Variants in DEAF1 observed in about 807,000 individuals in gnomAD.
The protein encoded by DEAF1 is deformed epidermal autoregulatory factor 1 homolog.
Under a neutral mutation model 58.9 loss-of-function variants are expected in DEAF1, and 53 were observed. The ratio of observed to expected loss-of-function variants is 0.90; its 90% CI spans 0.72 to 1.13. The LOEUF (loss-of-function observed/expected upper bound fraction) is 1.13, where lower values mean the gene tolerates loss of function less well. DEAF1 is among the 50% of genes most tolerant of loss of function. DEAF1 has a pLI of 0.00. For missense variants in DEAF1, 685 were observed against 791.4 expected (o/e 0.87, Z 1.61); for synonymous variants, 385 against 340.4 (o/e 1.13, Z -1.44).
At chr11:685,202 G>A (rs1033647557) in intron 5 of DEAF1, among the ~76,000 whole-genome samples, 2 of 147,318 alleles carry the variant, frequency 1.4e-5, no homozygotes, top group Admixed American at 1.4e-4. Context: ...CTCATGCCTC[G>A]GCCTCCCAAG....
In DEAF1 at chr11:688,279, G is replaced by C; in HGVS notation, c.517+52C>G. The C allele has an allele frequency of 6.3e-7, 1 of 1,595,456 alleles. No individual in the cohort carries two copies. The highest frequency in any genetic ancestry group is 1.1e-5 in the South Asian group (1 of 89,210). ...AAATAAATCCCTGAAATAAATTCTA[G>C]CTATTCTGAAACGTGTTTTGCCCGA... is the stretch of plus-strand genomic sequence containing the variant. On this transcript the variant is annotated intron_variant, in intron 3 of 11. Transcript: ENST00000382409. This position sits in a 1 kb window ranked among gnomAD's most constrained non-coding sequence, Gnocchi z 4.3.
intron 11 of DEAF1, 57 bp downstream of exon 11, chr11:653,905 G>A (rs955821849): frequency 6.6e-7 from 1 of 1,515,358 alleles, no homozygotes; most frequent in African/African-American, 1.4e-5. Context: ...GCCACCCAGG[G>A]GTCTTCGTAG....
intron 10 of DEAF1, among the ~76,000 whole-genome samples, chr11:655,161 G>C (rs1278235529): frequency 6.6e-6 from 1 of 152,062 alleles, no homozygotes; most frequent in Non-Finnish European, 1.5e-5. Flanking sequence ...TCAAACTCAG[G>C]AGTCCACCGC....
chr11:696,246 C>A (rs1054110254), upstream of DEAF1, among the ~76,000 whole-genome samples: 7 of 152,056 alleles, frequency 4.6e-5, no homozygotes, highest in African/African-American at 1.7e-4. Flanking sequence ...CTGAGAGACT[C>A]GCCTCCGAGA....
Position 688,729 on chromosome 11 carries a change from A to G in DEAF1, c.388-269T>C, listed in dbSNP as rs1860699364. On this transcript the variant is annotated intron_variant, in intron 2 of 11. Coordinates refer to ENST00000382409, the MANE Select transcript of DEAF1 (RefSeq NM_021008.4). The surrounding 1 kb of genome is among the most constrained non-coding windows in gnomAD (Gnocchi z 4.3). The stretch of plus-strand genomic sequence containing the variant: ...AAGGGAAGGAAGAAAGGTGCTCCAC[A>G]AACAAGAAACACCCTCCCTTCCACC... Among the ~76,000 whole-genome samples, 1 of 152,174 alleles carries G rather than the reference A, an allele frequency of 6.6e-6. No homozygotes were observed. The highest frequency in any genetic ancestry group is 1.5e-5 in the Non-Finnish European group (1 of 68,024).
chr11:696,965 G>A (rs1419463564), upstream of DEAF1, among the ~76,000 whole-genome samples: 1 of 146,734 alleles, frequency 6.8e-6, no homozygotes, highest in African/African-American at 2.5e-5. Context: ...TGTAATCCCA[G>A]CTACTTGAGA....
At chr11:705,279 C>T (rs1005668435) in intron 1 of DEAF1, 4 of 158,954 alleles carry the variant, frequency 2.5e-5, no homozygotes, top group Non-Finnish European at 5.6e-5. Flanking sequence ...CCTGGGGCGC[C>T]CTGTGCCCCT....
chr11:674,894 C>CA, intron 9 of DEAF1, 111 bp from the exon 10 acceptor site: 2 of 1,481,346 alleles, frequency 1.4e-6, no homozygotes, highest in Non-Finnish European at 1.8e-6. Context: ...CCTGTAATCC[C>CA]AGCACTTTGG....
intron 1 of DEAF1, chr11:694,529 A>AG (rs1282139007): frequency 2.1e-5 from 6 of 279,770 alleles, no homozygotes; most frequent in East Asian, 1.9e-4. Flanking sequence ...GGCAGATGTG[A>AG]GGGGTGAGCT....
intron 1 of DEAF1, chr11:703,110 C>G (rs1317447637): frequency 1.2e-6 from 2 of 1,610,570 alleles, no homozygotes; most frequent in Admixed American, 3.3e-5. Flanking sequence ...GGCCTGGAGG[C>G]CGTCCTGCAG....
intron 11 of DEAF1, among the ~76,000 whole-genome samples, chr11:646,986 TA>T (rs58523027): frequency 1.3e-3 from 188 of 148,514 alleles, no homozygotes; most frequent in Admixed American, 2.5e-3. Flanking sequence ...CCTATCTCTA[TA>T]AAAAAAAAAA....
chr11:647,245 G>T (rs1858540346), intron 11 of DEAF1, among the ~76,000 whole-genome samples: 1 of 152,122 alleles, frequency 6.6e-6, no homozygotes, highest in Non-Finnish European at 1.5e-5. Flanking sequence ...CATGAGGTCA[G>T]GAGTTCAAGA....
intron 6 of DEAF1, among the ~76,000 whole-genome samples, 174 bp from the exon 7 acceptor site, chr11:681,263 T>C (rs1860353014): frequency 6.6e-6 from 1 of 152,110 alleles, no homozygotes. Context: ...AGACGGAGTT[T>C]CACTCTAGCT....
rs747584307 is a variant in DEAF1, at chr11:687,963, G to A, written c.612C>T (p.Pro204=). 20 of 1,613,956 alleles carry A rather than the reference G, an allele frequency of 1.2e-5. No individual in the cohort carries two copies. The highest frequency in any genetic ancestry group is 3.3e-5 in the Admixed American group (2 of 59,992). ...WDPSVYDSEL[P]VRCRNISGTL... is the part of the protein sequence containing the mutation. ...TGCCGCTGATGTTCCGGCACCGTACGGGCAGCTCACTGTCGTACACAGAAG... is the reference window on the plus strand; with the variant it reads ...TGCCGCTGATGTTCCGGCACCGTACAGGCAGCTCACTGTCGTACACAGAAG... The change falls in exon 4 of 12, where the codon CCC becomes CCT. Residue 204 remains proline (P), a synonymous_variant. Coordinates refer to ENST00000382409, the MANE Select transcript of DEAF1 (RefSeq NM_021008.4).
chr11:686,891 G>T lies in DEAF1; in HGVS notation c.771C>A (p.Arg257=). ...GGCACTGCAAGGGTCGGCCCGCGTA[G>T]CGAATGCTTCTTTTCCAGTCCTTAC... ...ASSKDWKRSI[R]YAGRPLQCLI... is the part of the protein sequence containing the mutation. The change falls in exon 5 of 12, where the codon CGC becomes CGA. Residue 257 remains arginine (R), a synonymous_variant. Coordinates refer to ENST00000382409, the MANE Select transcript of DEAF1 (RefSeq NM_021008.4). 2 of 1,614,236 alleles carry T rather than the reference G, an allele frequency of 1.2e-6. No homozygotes were observed. The highest frequency in any genetic ancestry group is 1.7e-6 in the Non-Finnish European group (2 of 1,180,042).
At chr11:662,379 T>C (rs1473479657) in intron 10 of DEAF1, among the ~76,000 whole-genome samples, 7 of 152,196 alleles carry the variant, frequency 4.6e-5, no homozygotes, top group Non-Finnish European at 1.0e-4. Flanking sequence ...CACCCCGGCA[T>C]AAAGCCTTCC....
intron 8 of DEAF1, among the ~76,000 whole-genome samples, chr11:679,161 A>G (rs1860221458): frequency 6.6e-6 from 1 of 151,972 alleles, no homozygotes; most frequent in Non-Finnish European, 1.5e-5. Context: ...AAATACCAAA[A>G]AAAAATTAGC....
At chr11:676,756 G>A (rs1029852095) in intron 9 of DEAF1, among the ~76,000 whole-genome samples, 9 of 152,090 alleles carry the variant, frequency 5.9e-5, no homozygotes, top group East Asian at 1.9e-4. Flanking sequence ...CACCCGCCTC[G>A]GCCTCCCAAA....
At chr11:693,416 C>A in intron 1 of DEAF1, 1 of 152,390 alleles carries the variant, frequency 6.6e-6, no homozygotes, top group Non-Finnish European at 1.5e-5. Flanking sequence ...CAAGGGCAGC[C>A]CAGACGCTGC....
Sources: allele counts gnomAD v4.1 joint callset (sites outside exome capture counted in the v4.1 genomes callset), GRCh38; gene constraint gnomAD v4.1.1; non-coding constraint Gnocchi (gnomAD v3.1); transcripts MANE v1.5; gene names NCBI Gene and HGNC (gene_info 2026-07-23, HGNC 2026-07-21).